KNDC1: variants seen among roughly 807,000 people sequenced by gnomAD.
KNDC1 encodes kinase non-catalytic C-lobe domain-containing protein 1.
A neutral mutation model predicts 172.8 loss-of-function variants in KNDC1; 106 were observed. That is an observed-to-expected ratio of 0.61 (90% CI 0.52 to 0.72). The LOEUF (loss-of-function observed/expected upper bound fraction) is 0.72, where lower values mean the gene tolerates loss of function less well. Ranked by LOEUF, KNDC1 falls within the 30% of genes least tolerant of loss-of-function variation. KNDC1 has a pLI of 0.00. For missense variants in KNDC1, 2,325 were observed against 2,394.5 expected, an observed-to-expected ratio of 0.97 and a Z score of 0.61; for synonymous variants, 1,083 against 1,062.2, an observed-to-expected ratio of 1.02 and a Z score of -0.38.
chr10:133,219,608 G>T (rs1845539831), intron 28 of KNDC1, among the ~76,000 whole-genome samples: 1 of 152,222 alleles, frequency 6.6e-6, no homozygotes, highest in African/African-American at 2.4e-5. Flanking sequence ...GCAGACACGG[G>T]GCCCTGCTCT....
chr10:133,202,895 C>A (rs947791787), intron 17 of KNDC1, among the ~76,000 whole-genome samples: 3 of 152,232 alleles, frequency 2.0e-5, no homozygotes, highest in Non-Finnish European at 4.4e-5. Flanking sequence ...AAAGGCCGCC[C>A]CCGGGGCTGG....
At chr10:133,202,898 G>A (rs927647185) in intron 17 of KNDC1, among the ~76,000 whole-genome samples, 1 of 152,338 alleles carries the variant, frequency 6.6e-6, no homozygotes, top group South Asian at 2.1e-4. Flanking sequence ...GGCCGCCCCC[G>A]GGGCTGGGGA....
chr10:133,169,133 A>C (rs1438556714), intron 3 of KNDC1, among the ~76,000 whole-genome samples: 8 of 152,236 alleles, frequency 5.3e-5, no homozygotes, highest in Admixed American at 5.2e-4. Flanking sequence ...AAAGCCCATC[A>C]GCTATGTCAT....
At chr10:133,214,652 G>T (rs950698858) in intron 26 of KNDC1, among the ~76,000 whole-genome samples, 1 of 152,222 alleles carries the variant, frequency 6.6e-6, no homozygotes, top group African/African-American at 2.4e-5. Context: ...TCCCACCCTG[G>T]GCTCCTCCTG....
At chr10:133,222,053 G>A (rs186814228) in intron 29 of KNDC1, among the ~76,000 whole-genome samples, 639 of 41,004 alleles carry the variant, frequency 0.016, 39 homozygotes, top group Middle Eastern at 0.05. Context: ...AGGCCGAGGC[G>A]GGCGGATCAC....
Position 133,180,103 on chromosome 10 carries a change from C to T in KNDC1, c.361-3241C>T, listed in dbSNP as rs113573605. Among the ~76,000 whole-genome samples, 370 of 152,372 alleles carry T rather than the reference C, an allele frequency of 2.4e-3. 2 individuals carry two copies. The highest frequency in any genetic ancestry group is 7.8e-3 in the African/African-American group (324 of 41,592). On this transcript the variant is annotated intron_variant, in intron 3 of 29. Coordinates refer to ENST00000304613, the MANE Select transcript of KNDC1 (RefSeq NM_152643.8). ...ATGACCCCCAGGGAACTCACTCAAA[C>T]GGCTGCTCTTCGCCGGTGGCTCAAA...
chr10:133,188,743 A>AC (rs1353596758), intron 7 of KNDC1, 90 bp downstream of exon 7: 3 of 385,270 alleles, frequency 7.8e-6, no homozygotes, highest in East Asian at 5.0e-5. Flanking sequence ...CCGCCGTCCC[A>AC]CCCCCCACAC....
intron 22 of KNDC1, 36 bp downstream of exon 22, chr10:133,211,605 G>A (rs1463236734): frequency 2.5e-6 from 4 of 1,603,454 alleles, no homozygotes; most frequent in East Asian, 2.2e-5. Flanking sequence ...CCGCACCCGG[G>A]GCTCCCACAG....
At chr10:133,178,270 G>C (rs1853615137) in intron 3 of KNDC1, among the ~76,000 whole-genome samples, 1 of 152,192 alleles carries the variant, frequency 6.6e-6, no homozygotes, top group Admixed American at 6.5e-5. Flanking sequence ...TGTGTAGCAT[G>C]GTGCATGTCT....
At chr10:133,216,847 C>T (rs78802702) in intron 26 of KNDC1, among the ~76,000 whole-genome samples, 13,007 of 152,248 alleles carry the variant, frequency 0.085, 887 homozygotes, top group African/African-American at 0.19. Flanking sequence ...ACTTATTCAG[C>T]CTTAACAGGA....
intron 3 of KNDC1, among the ~76,000 whole-genome samples, chr10:133,182,375 TC>T (rs1853744141): frequency 6.6e-6 from 1 of 152,172 alleles, no homozygotes; most frequent in African/African-American, 2.4e-5. Flanking sequence ...CAGGTGCGTG[TC>T]CACTCAGCCA....
intron 3 of KNDC1, among the ~76,000 whole-genome samples, chr10:133,169,882 G>A (rs959890569): frequency 1.3e-5 from 2 of 152,232 alleles, no homozygotes; most frequent in African/African-American, 4.8e-5. Flanking sequence ...CCCAGGCCGT[G>A]CCCGGTCCCC....
chr10:133,179,607 C>T (rs11101616), intron 3 of KNDC1, among the ~76,000 whole-genome samples: 67,735 of 151,806 alleles, frequency 0.45, 15,569 homozygotes, highest in South Asian at 0.65. Flanking sequence ...CTGAAAACCA[C>T]TTGGCTTGAC....
intron 6 of KNDC1, among the ~76,000 whole-genome samples, chr10:133,187,925 G>T: frequency 9.1e-6 from 1 of 110,428 alleles, no homozygotes; most frequent in Non-Finnish European, 1.7e-5. Context: ...CCACCTCCAT[G>T]AGCCTGGCCC....
intron 1 of KNDC1, among the ~76,000 whole-genome samples, chr10:133,162,743 C>T (rs1056967492): frequency 5.3e-5 from 8 of 152,258 alleles, no homozygotes; most frequent in African/African-American, 1.4e-4. Flanking sequence ...CTCTCCCTCG[C>T]GCCAGTGGGA....
chr10:133,164,507 G>A (rs1853083373), intron 1 of KNDC1, among the ~76,000 whole-genome samples: 1 of 152,238 alleles, frequency 6.6e-6, no homozygotes, highest in South Asian at 2.1e-4. Context: ...AGACAGACAG[G>A]CGTCGGCCAG....
intron 3 of KNDC1, among the ~76,000 whole-genome samples, 197 bp downstream of exon 3, chr10:133,168,509 CTCTGTGGGCAGCTCGGACTGTGGGT>C (rs1433665346): frequency 4.6e-4 from 70 of 152,094 alleles, no homozygotes; most frequent in Admixed American, 1.4e-3. Flanking sequence ...CTGCAGCGTT[CTCTGTGGGCAGCTCGGACTGTGGGT>C]TCTGTGGGCA....
At chr10:133,162,233 T>C (rs1157891833) in intron 1 of KNDC1, among the ~76,000 whole-genome samples, 3 of 152,168 alleles carry the variant, frequency 2.0e-5, no homozygotes, top group Non-Finnish European at 4.4e-5. Flanking sequence ...TGTCTCAGAA[T>C]TCCCCTGGCG....
intron 26 of KNDC1, among the ~76,000 whole-genome samples, chr10:133,218,440 G>A (rs1025517611): frequency 3.3e-5 from 5 of 152,158 alleles, no homozygotes; most frequent in Admixed American, 6.5e-5. Context: ...GGGTGGGCAC[G>A]GAGCTGCCTG....
Sources: gnomAD v4.1 joint callset for allele counts (sites outside exome capture counted in the v4.1 genomes callset) on GRCh38, gnomAD v4.1.1 for gene constraint, MANE v1.5 for transcripts, NCBI Gene and HGNC (gene_info 2026-07-23, HGNC 2026-07-21) for gene names.